AHCTF1: variants seen among roughly 807,000 people sequenced by gnomAD.
AHCTF1 encodes AT-hook containing transcription factor 1.
AHCTF1 carries 24 observed loss-of-function variants against 248.4 expected under a neutral mutation model. The observed-to-expected ratio is 0.10, with a 90% CI of 0.07 to 0.14. The LOEUF (loss-of-function observed/expected upper bound fraction) is 0.14. Among genes scored for constraint, AHCTF1 ranks in the 10% least tolerant of loss-of-function variants. AHCTF1 has a pLI of 1.00. For synonymous variants in AHCTF1, 786 were observed against 929.8 expected (o/e 0.85, Z 2.81); for missense variants, 2,206 against 2,636.2 (o/e 0.84, Z 3.57).
chr1:246,880,437 G>A (rs941373070), intron 21 of AHCTF1, among the ~76,000 whole-genome samples: 11 of 151,666 alleles, frequency 7.3e-5, no homozygotes, highest in African/African-American at 2.4e-4. Flanking sequence ...GGTGGCACGT[G>A]CCTATAATCC....
chr1:246,870,153 C>G (rs1357551080), intron 24 of AHCTF1, among the ~76,000 whole-genome samples: 1 of 152,168 alleles, frequency 6.6e-6, no homozygotes, highest in African/African-American at 2.4e-5. Context: ...GAATGAGAAG[C>G]AGAGCCTAGG....
Position 246,887,316 on chromosome 1 carries a change from G to T in AHCTF1, c.2367C>A (p.Asn789Lys). ...LLLDIMYSFP[N>K]KTDTPIESFP... is the part of the protein sequence containing the mutation. Reference sequence around the variant, plus strand: ...AAGATTCAATGGGAGTGTCTGTTTTGTTGGGAAAGGAATACATAATATCAA... The same window carrying T: ...AAGATTCAATGGGAGTGTCTGTTTTTTTGGGAAAGGAATACATAATATCAA... The change falls in exon 20 of 36, where the codon AAC becomes AAA. Residue 789 changes from asparagine (N) to lysine (K), a missense_variant. Physicochemically the swap from Asn to Lys is moderately conservative, Grantham distance 94. Coordinates refer to ENST00000648844, the MANE Select transcript of AHCTF1 (RefSeq NM_001323342.2). The T allele has an allele frequency of 1.9e-6, 3 of 1,613,130 alleles. No individual in the cohort carries two copies. Among genetic ancestry groups the T allele is most frequent in the Non-Finnish European group, 2.5e-6 (3 of 1,179,570 alleles).
chr1:246,885,580 T>G lies in AHCTF1; in HGVS notation c.2573A>C (p.Gln858Pro). 3.7e-6 allele frequency: 6 copies of G among 1,612,250 alleles called. No individual in the cohort carries two copies. Among genetic ancestry groups the G allele is most frequent in the Non-Finnish European group, 5.1e-6 (6 of 1,178,790 alleles). Residue 858 changes from glutamine (Q) to proline (P), a missense_variant, in exon 21 of 36, where the codon CAA becomes CCA. By Grantham distance (76) the Gln-to-Pro change is moderately conservative. Coordinates refer to ENST00000648844, the MANE Select transcript of AHCTF1 (RefSeq NM_001323342.2). ...CATTGTCTGAATATATCTGAGGGCT[T>G]GTCTGTGCTCGCCCTGACTCATGAA... Reference protein sequence around the residue: ...QAFMSQGEHRQALRYIQTMKP... With the variant: ...QAFMSQGEHRPALRYIQTMKP...
chr1:246,924,315 A>C (rs2103250190), intron 1 of AHCTF1, among the ~76,000 whole-genome samples: 1 of 152,314 alleles, frequency 6.6e-6, no homozygotes, highest in East Asian at 1.9e-4. Flanking sequence ...TTCATACAAT[A>C]ATCTCTATGA....
chr1:246,880,695 G>C (rs1431760466), intron 21 of AHCTF1, among the ~76,000 whole-genome samples: 1 of 151,894 alleles, frequency 6.6e-6, no homozygotes, highest in Non-Finnish European at 1.5e-5. Flanking sequence ...AATATAGACA[G>C]TATTTTTAAC....
chr1:246,846,579 C>T (rs1660275985), intron 33 of AHCTF1, among the ~76,000 whole-genome samples: 1 of 151,956 alleles, frequency 6.6e-6, no homozygotes, highest in Admixed American at 6.6e-5. Context: ...TCATCTCATT[C>T]TAGCAGGTGC....
At chr1:246,882,625 C>G (rs960154070) in intron 21 of AHCTF1, among the ~76,000 whole-genome samples, 4 of 152,112 alleles carry the variant, frequency 2.6e-5, no homozygotes, top group African/African-American at 9.7e-5. Context: ...GCAAAATAAA[C>G]CCACCTAACA....
Position 246,863,911 on chromosome 1 carries a change from C to T in AHCTF1, c.3540+13G>A, listed in dbSNP as rs752260137. 18 of 1,612,752 alleles carry T rather than the reference C, an allele frequency of 1.1e-5. No homozygotes were observed. The highest frequency in any genetic ancestry group is 4.4e-5 in the South Asian group (4 of 91,042). On this transcript the variant is annotated intron_variant, in intron 27 of 35. Transcript: ENST00000648844. ...CTAGTTTGATTGTGAACGCTAGATG[C>T]GTAAATACTAACCTTAACTACAAGA...
At chr1:246,843,333 TGACA>T (rs1355139329) in intron 34 of AHCTF1, among the ~76,000 whole-genome samples, 2 of 152,352 alleles carry the variant, frequency 1.3e-5, no homozygotes, top group South Asian at 4.1e-4. Flanking sequence ...TGTAGGTGCC[TGACA>T]GACAAGGAAT....
At chr1:246,928,336 G>T (rs971349956) in intron 1 of AHCTF1, among the ~76,000 whole-genome samples, 1 of 150,936 alleles carries the variant, frequency 6.6e-6, no homozygotes, top group Middle Eastern at 3.4e-3. Flanking sequence ...ACTTCTGCTT[G>T]CCTGTCTTCT....
chr1:246,872,461 A>T (rs1662666248), intron 24 of AHCTF1, among the ~76,000 whole-genome samples: 1 of 152,224 alleles, frequency 6.6e-6, no homozygotes, highest in African/African-American at 2.4e-5. Flanking sequence ...CTTTACTCAA[A>T]GACATCATCT....
At position 246,931,698 on chromosome 1, in the gene AHCTF1, C is replaced by G. The variant is rs1024793910; in HGVS notation, c.-128G>C. The G allele has an allele frequency of 6.6e-6, 1 of 152,350 alleles. No homozygotes were observed. The highest frequency in any genetic ancestry group is 2.4e-5 in the African/African-American group (1 of 41,448). The allele number at this position is 152,350 out of a possible 1,614,324, so 9.4% of individuals were successfully genotyped here. ...CCCGGGAGACGTGGCCGCCACGGGC[C>G]GGGCTCACACCCCTCCGCCCGGCTG... On this transcript the variant is annotated 5_prime_UTR_variant, in exon 1 of 36. Coordinates refer to ENST00000648844, the MANE Select transcript of AHCTF1 (RefSeq NM_001323342.2).
chr1:246,922,962 G>A lies in AHCTF1; in HGVS notation c.-7-4585C>T, dbSNP rs1484547705. 2.6e-4 allele frequency among the ~76,000 whole-genome samples: 32 copies of A among 122,498 alleles called. 1 individual carries two copies. Among genetic ancestry groups the A allele is most frequent in the Non-Finnish European group, 1.1e-4 (7 of 62,616 alleles). 80.4% of individuals were successfully genotyped at this position (122,498 alleles called of 152,430 possible). On this transcript the variant is annotated intron_variant, in intron 1 of 35. Transcript: ENST00000648844. Reference sequence around the variant, plus strand: ...TGCACCACTGCACTCTAGCCTGGGCGACAGAGCGAGACTCTGTCTCAAAAA... The same window carrying A: ...TGCACCACTGCACTCTAGCCTGGGCAACAGAGCGAGACTCTGTCTCAAAAA...
At chr1:246,916,533 A>T in intron 2 of AHCTF1, 138 bp from the exon 3 acceptor site, 1 of 807,502 alleles carries the variant, frequency 1.2e-6, no homozygotes, top group South Asian at 1.9e-5. Context: ...CTTTTAATCA[A>T]GCAACTATCA....
Position 246,850,841 on chromosome 1 carries a change from C to G in AHCTF1, c.5165G>C (p.Ser1722Thr). The G allele has an allele frequency of 6.2e-7, 1 of 1,613,852 alleles. No individual in the cohort carries two copies. ...KSAFKTAQET[S>T]TMTMNVSQVD... is the part of the protein sequence containing the mutation. ...CTGGCTGACATTCATAGTCATTGTG[C>G]TTGTTTCCTGAGCAGTCTTAAATGC... is the stretch of plus-strand genomic sequence containing the variant. Residue 1722 changes from serine (S) to threonine (T), a missense_variant, in exon 33 of 36, where the codon AGC becomes ACC. Ser to Thr is a moderately conservative substitution (Grantham distance 58). Transcript: ENST00000648844.
In AHCTF1 at chr1:246,912,838, CTA is replaced by C. The variant is rs150742902; in HGVS notation, c.556+392_556+393del. ...AAACATAAACAATATGCCAAGAACA[CTA>C]TGTTAGATCCTACATTGCTGGGTAA... On this transcript the variant is annotated intron_variant, in intron 4 of 35. Coordinates refer to ENST00000648844, the MANE Select transcript of AHCTF1 (RefSeq NM_001323342.2). Among the ~76,000 whole-genome samples the C allele has an allele frequency of 8.5e-3, 1,287 of 152,228 alleles. 25 individuals are homozygous for C. Among genetic ancestry groups the C allele is most frequent in the African/African-American group, 0.029 (1,218 of 41,540 alleles).
chr1:246,894,181 G>A (rs1432987528), intron 14 of AHCTF1, among the ~76,000 whole-genome samples: 1 of 151,740 alleles, frequency 6.6e-6, no homozygotes, highest in Non-Finnish European at 1.5e-5. Flanking sequence ...TCCTGCCTGG[G>A]CAAAAAGTGA....
intron 24 of AHCTF1, among the ~76,000 whole-genome samples, chr1:246,871,968 GCCTCAGTGTTCA>G (rs1558235427): frequency 6.7e-6 from 1 of 149,052 alleles, no homozygotes; most frequent in African/African-American, 2.5e-5. Context: ...ACAAGTCCCA[GCCTCAGTGTTCA>G]CCTCAGGAGT....
intron 1 of AHCTF1, among the ~76,000 whole-genome samples, chr1:246,918,994 A>C (rs1029134389): frequency 6.6e-6 from 1 of 152,234 alleles, no homozygotes; most frequent in African/African-American, 2.4e-5. Context: ...AGTTTGGTAC[A>C]TATCTTTTGC....
Sources: gnomAD v4.1 joint callset for allele counts (sites outside exome capture counted in the v4.1 genomes callset) on GRCh38, gnomAD v4.1.1 for gene constraint, MANE v1.5 for transcripts, NCBI Gene and HGNC (gene_info 2026-07-23, HGNC 2026-07-21) for gene names.